The following KCNK10 variants were observed in gnomAD, a reference collection of about 807,000 sequenced individuals.
KCNK10 encodes the protein potassium two pore domain channel subfamily K member 10.
In KCNK10, 25 loss-of-function variants were observed where a neutral mutation model predicts 47.7. The observed-to-expected ratio is 0.52, with a 90% CI of 0.38 to 0.73. KCNK10 has a LOEUF of 0.73. Ranked by LOEUF, KCNK10 falls within the 30% of genes least tolerant of loss-of-function variation. The pLI is 0.00. For synonymous variants in KCNK10, 303 were observed against 285.6 expected, an observed-to-expected ratio of 1.06 and a Z score of -0.61; for missense variants, 563 against 714.5, an observed-to-expected ratio of 0.79 and a Z score of 2.42.
chr14:88,277,263 C>CA (rs1036408887), intron 1 of KCNK10, among the ~76,000 whole-genome samples: 59 of 149,882 alleles, frequency 3.9e-4, no homozygotes, highest in South Asian at 1.5e-3. Context: ...CCTACTAAGT[C>CA]AAAAAAAAAT....
upstream of KCNK10, among the ~76,000 whole-genome samples, chr14:88,325,231 G>A (rs1451919687): frequency 6.6e-5 from 10 of 152,108 alleles, no homozygotes. Context: ...CTCCCTCTGC[G>A]CTCTTCTCTT....
At chr14:88,273,389 T>G (rs1263508716) in intron 1 of KCNK10, among the ~76,000 whole-genome samples, 7 of 152,194 alleles carry the variant, frequency 4.6e-5, no homozygotes, top group Admixed American at 4.6e-4. Context: ...AGCAGCATTT[T>G]GCTGTTTTTA....
At chr14:88,320,409 A>C (rs1888521974) in intron 1 of KCNK10, among the ~76,000 whole-genome samples, 1 of 152,164 alleles carries the variant, frequency 6.6e-6, no homozygotes, top group African/African-American at 2.4e-5. Context: ...GATCACACAG[A>C]AATGTACCTT....
intron 1 of KCNK10, among the ~76,000 whole-genome samples, chr14:88,277,963 G>A (rs561980189): frequency 1.1e-4 from 16 of 152,152 alleles, no homozygotes; most frequent in African/African-American, 3.9e-4. Flanking sequence ...CAATCCCAGT[G>A]CACAGTGTAT....
At chr14:88,224,137 T>A (rs1247165365) in intron 4 of KCNK10, among the ~76,000 whole-genome samples, 1 of 152,198 alleles carries the variant, frequency 6.6e-6, no homozygotes, top group East Asian at 1.9e-4. Context: ...TTTCTGAACA[T>A]CATCTGAGAG....
At chr14:88,229,266 C>T (rs777785449) in intron 3 of KCNK10, among the ~76,000 whole-genome samples, 3 of 152,048 alleles carry the variant, frequency 2.0e-5, no homozygotes, top group Non-Finnish European at 4.4e-5. Context: ...AGATGACCAC[C>T]CCCACCCACC....
Position 88,276,761 on chromosome 14 carries a change from G to A in KCNK10, c.53-13210C>T, listed in dbSNP as rs180843212. On this transcript the variant is annotated intron_variant, in intron 1 of 6. Coordinates refer to ENST00000319231, the MANE Select transcript of KCNK10 (RefSeq NM_138317.3). ...CAGAAACCAGGCAGCCTCACAGGTC[G>A]CTATCACTCTCAGTCCACCATTTCC... 1.6e-3 allele frequency among the ~76,000 whole-genome samples: 242 copies of A among 152,342 alleles called. 2 individuals carry two copies. Among genetic ancestry groups the A allele is most frequent in the Non-Finnish European group, 2.7e-3 (182 of 68,040 alleles).
At chr14:88,250,446 G>GA (rs1566702273) in intron 2 of KCNK10, among the ~76,000 whole-genome samples, 1 of 152,130 alleles carries the variant, frequency 6.6e-6, no homozygotes, top group African/African-American at 2.4e-5. Context: ...CAAAGAACCC[G>GA]AACCTGCACT....
At chr14:88,247,461 G>A (rs1194237641) in intron 2 of KCNK10, among the ~76,000 whole-genome samples, 1 of 152,172 alleles carries the variant, frequency 6.6e-6, no homozygotes, top group African/African-American at 2.4e-5. Context: ...GTGCTGTGGT[G>A]GATATTACAA....
At chr14:88,210,594 C>T (rs1885423021) in intron 4 of KCNK10, among the ~76,000 whole-genome samples, 1 of 152,182 alleles carries the variant, frequency 6.6e-6, no homozygotes, top group African/African-American at 2.4e-5. Flanking sequence ...CTCCCACCAG[C>T]TCTGCGCACA....
At chr14:88,219,853 T>C (rs1332509771) in intron 4 of KCNK10, among the ~76,000 whole-genome samples, 1 of 152,156 alleles carries the variant, frequency 6.6e-6, no homozygotes, top group Non-Finnish European at 1.5e-5. Context: ...ATGCCGATGG[T>C]CCAAGGGATA....
upstream of KCNK10, chr14:88,323,295 C>A (rs770451367): frequency 7.8e-4 from 772 of 985,546 alleles, no homozygotes; most frequent in Non-Finnish European, 8.8e-4. Context: ...CCTCGCTCGG[C>A]CGCGCTGAGC....
chr14:88,237,301 C>G (rs8019341), intron 3 of KCNK10, among the ~76,000 whole-genome samples: 32,064 of 152,170 alleles, frequency 0.21, 4,401 homozygotes, highest in Non-Finnish European at 0.3. Context: ...TCCAACACAT[C>G]AGCAGTGGCA....
chr14:88,229,446 T>G (rs985097577), intron 3 of KCNK10, among the ~76,000 whole-genome samples: 3 of 151,970 alleles, frequency 2.0e-5, no homozygotes, highest in Non-Finnish European at 2.9e-5. Flanking sequence ...AAAAAATCAA[T>G]GGACTGTAAA....
intron 2 of KCNK10, among the ~76,000 whole-genome samples, chr14:88,242,956 G>T (rs143942873): frequency 0.017 from 2,632 of 152,236 alleles, 41 homozygotes; most frequent in Middle Eastern, 0.037. Flanking sequence ...GAGAGGTTAG[G>T]CTCACTCAAG....
intron 4 of KCNK10, among the ~76,000 whole-genome samples, chr14:88,199,045 G>C (rs977042722): frequency 6.6e-6 from 1 of 151,686 alleles, no homozygotes; most frequent in South Asian, 2.1e-4. Flanking sequence ...TCAGCCTCCC[G>C]AGTAGCTGAG....
At position 88,322,200 on chromosome 14, in the gene KCNK10, AC is replaced by A. The variant is rs1256347850; in HGVS notation, c.52+546del. Among the ~76,000 whole-genome samples the A allele has an allele frequency of 6.6e-6, 1 of 152,130 alleles. No homozygotes were observed. The highest frequency in any genetic ancestry group is 1.5e-5 in the Non-Finnish European group (1 of 68,012). On this transcript the variant is annotated intron_variant, in intron 1 of 6. Transcript: ENST00000319231. The surrounding 1 kb of genome is among the most constrained non-coding windows in gnomAD (Gnocchi z 4.8). ...CTGCTAGGTTTGGTAATAAGATTGA[AC>A]GAAGACTCAGGAGGCCCTGTGGGCT...
At chr14:88,288,247 C>A (rs1050933641) in intron 1 of KCNK10, among the ~76,000 whole-genome samples, 8 of 152,174 alleles carry the variant, frequency 5.3e-5, no homozygotes, top group African/African-American at 1.9e-4. Context: ...ACTTAGTTGT[C>A]CAATTAGCTG....
chr14:88,318,960 C>T (rs778636189), intron 1 of KCNK10, among the ~76,000 whole-genome samples: 2 of 152,156 alleles, frequency 1.3e-5, no homozygotes, highest in African/African-American at 2.4e-5. Context: ...GATCTTAATA[C>T]ACATAAGCAG....
Sources: allele counts gnomAD v4.1 joint callset (sites outside exome capture counted in the v4.1 genomes callset), GRCh38; gene constraint gnomAD v4.1.1; non-coding constraint Gnocchi (gnomAD v3.1); transcripts MANE v1.5; gene names NCBI Gene and HGNC (gene_info 2026-07-23, HGNC 2026-07-21).